Variants in HS3ST4 observed in about 807,000 individuals in gnomAD.
HS3ST4 encodes the protein heparan sulfate glucosamine 3-O-sulfotransferase 4.
In HS3ST4, 17 loss-of-function variants were observed where a neutral mutation model predicts 29.2. The ratio of observed to expected loss-of-function variants is 0.58; its 90% CI spans 0.40 to 0.87. The LOEUF (loss-of-function observed/expected upper bound fraction) is 0.87. Ranked by LOEUF, HS3ST4 falls within the 40% of genes least tolerant of loss-of-function variation. The pLI is 0.00. For synonymous variants in HS3ST4, 314 were observed against 285.7 expected (o/e 1.10, Z -1.00); for missense variants, 627 against 634.5 (o/e 0.99, Z 0.13).
intron 1 of HS3ST4, among the ~76,000 whole-genome samples, chr16:26,090,883 G>A (rs7200745): frequency 0.54 from 81,846 of 151,670 alleles, 22,804 homozygotes; most frequent in African/African-American, 0.67. Context: ...CATAGTGGGA[G>A]AATGAGGTGC....
intron 1 of HS3ST4, among the ~76,000 whole-genome samples, chr16:25,851,706 G>A (rs1487784475): frequency 2.6e-5 from 4 of 152,148 alleles, no homozygotes; most frequent in Non-Finnish European, 5.9e-5. Context: ...TGGGTGAACT[G>A]TGGGGCAGGC....
At chr16:25,751,982 A>G (rs1966724080) in intron 1 of HS3ST4, among the ~76,000 whole-genome samples, 1 of 145,906 alleles carries the variant, frequency 6.9e-6, no homozygotes, top group Admixed American at 7.0e-5. Flanking sequence ...AATCTACTCA[A>G]CTGCTTCCAT....
chr16:26,071,060 G>A (rs1205929555), intron 1 of HS3ST4, among the ~76,000 whole-genome samples: 1 of 152,204 alleles, frequency 6.6e-6, no homozygotes, highest in Non-Finnish European at 1.5e-5. Flanking sequence ...GAATTGCAAA[G>A]TGTGTTTTAA....
intron 1 of HS3ST4, among the ~76,000 whole-genome samples, chr16:26,121,156 C>T (rs777730630): frequency 6.6e-6 from 1 of 152,124 alleles, no homozygotes; most frequent in Admixed American, 6.5e-5. Flanking sequence ...AAAGTTATTT[C>T]GAGAGAGGAT....
chr16:26,054,657 T>C (rs1898386257), intron 1 of HS3ST4, among the ~76,000 whole-genome samples: 1 of 152,108 alleles, frequency 6.6e-6, no homozygotes, highest in Non-Finnish European at 1.5e-5. Context: ...CACCAGGTCA[T>C]TATTTTGGTG....
intron 1 of HS3ST4, among the ~76,000 whole-genome samples, chr16:25,797,593 G>C (rs771377145): frequency 1.6e-4 from 24 of 152,084 alleles, no homozygotes; most frequent in Non-Finnish European, 3.4e-4. Flanking sequence ...AATACCTCTT[G>C]ACCATTCCAA....
intron 1 of HS3ST4, among the ~76,000 whole-genome samples, chr16:26,042,181 G>A (rs1016002693): frequency 1.3e-5 from 2 of 152,174 alleles, no homozygotes; most frequent in South Asian, 2.1e-4. Context: ...AACCTTTCAC[G>A]CCCCAGCATC....
At chr16:25,699,980 A>C (rs1367487513) in intron 1 of HS3ST4, among the ~76,000 whole-genome samples, 2 of 151,148 alleles carry the variant, frequency 1.3e-5, no homozygotes, top group African/African-American at 4.9e-5. Context: ...CTTCTCCTTC[A>C]TTTTCCTTCA....
intron 1 of HS3ST4, among the ~76,000 whole-genome samples, chr16:26,028,272 C>CAAAAAAAAAAAAAAAA (rs57920476): frequency 2.1e-5 from 1 of 48,656 alleles, no homozygotes; most frequent in African/African-American, 6.8e-5. Flanking sequence ...GACACCGTCT[C>CAAAAAAAAAAAAAAAA]AAAAAAAAAA....
intron 1 of HS3ST4, among the ~76,000 whole-genome samples, chr16:26,122,794 G>A (rs749417535): frequency 2.0e-5 from 3 of 152,064 alleles, no homozygotes; most frequent in Non-Finnish European, 2.9e-5. Context: ...GGTGGCTCAC[G>A]TCTGAAATCC....
intron 1 of HS3ST4, among the ~76,000 whole-genome samples, chr16:26,002,283 C>T (rs1248437207): frequency 6.6e-6 from 1 of 152,056 alleles, no homozygotes; most frequent in Non-Finnish European, 1.5e-5. Flanking sequence ...TGGTATTACT[C>T]AGGAAATGTA....
intron 1 of HS3ST4, among the ~76,000 whole-genome samples, chr16:25,924,946 A>G (rs1968388325): frequency 6.6e-6 from 1 of 152,058 alleles, no homozygotes; most frequent in African/African-American, 2.4e-5. Context: ...TTGCAAGTGT[A>G]TTCATTTTCA....
At chr16:26,073,022 A>C (rs7198272) in intron 1 of HS3ST4, among the ~76,000 whole-genome samples, 8 of 152,258 alleles carry the variant, frequency 5.3e-5, no homozygotes, top group Non-Finnish European at 1.2e-4. Flanking sequence ...ATGATGAATT[A>C]TCTAATGAGC....
chr16:26,127,997 T>G (rs750517045), intron 1 of HS3ST4, among the ~76,000 whole-genome samples: 1 of 152,188 alleles, frequency 6.6e-6, no homozygotes, highest in African/African-American at 2.4e-5. Context: ...CTCTTTCCCC[T>G]TCTCCTCCCA....
intron 1 of HS3ST4, among the ~76,000 whole-genome samples, chr16:25,954,125 T>G (rs1428934703): frequency 1.3e-5 from 2 of 152,138 alleles, no homozygotes; most frequent in Non-Finnish European, 2.9e-5. Flanking sequence ...CAGAGCAAAA[T>G]GAAAGAAGTG....
At chr16:25,922,147 T>G (rs146854924) in intron 1 of HS3ST4, among the ~76,000 whole-genome samples, 286 of 152,308 alleles carry the variant, frequency 1.9e-3, no homozygotes, top group African/African-American at 6.5e-3. Context: ...GTTTGTGTCT[T>G]TTGGCTTTCT....
intron 1 of HS3ST4, among the ~76,000 whole-genome samples, chr16:25,993,647 T>A (rs1969132451): frequency 6.6e-6 from 1 of 151,862 alleles, no homozygotes. Flanking sequence ...GCTCATACTA[T>A]GATTATTAGG....
At chr16:25,773,467 TGAA>T (rs1351328605) in intron 1 of HS3ST4, among the ~76,000 whole-genome samples, 1 of 152,208 alleles carries the variant, frequency 6.6e-6, no homozygotes, top group African/African-American at 2.4e-5. Flanking sequence ...AAAAGCTCCT[TGAA>T]GACAGGGGTT....
At chr16:25,873,278 T>TCATCCATC (rs879378801) in intron 1 of HS3ST4, among the ~76,000 whole-genome samples, 1,337 of 110,474 alleles carry the variant, frequency 0.012, 7 homozygotes, top group Admixed American at 0.014. Flanking sequence ...ATTTGTCCAT[T>TCATCCATC]CATCCATCCA....
Sources: gnomAD v4.1 joint callset for allele counts (sites outside exome capture counted in the v4.1 genomes callset) on GRCh38, gnomAD v4.1.1 for gene constraint, MANE v1.5 for transcripts, NCBI Gene and HGNC (gene_info 2026-07-23, HGNC 2026-07-21) for gene names.